Variants in AKAP6 observed in about 807,000 individuals in gnomAD.
AKAP6 encodes A-kinase anchor protein 6.
Under a neutral mutation model 188.5 loss-of-function variants are expected in AKAP6, and 58 were observed. The ratio of observed to expected loss-of-function variants is 0.31; its 90% CI spans 0.25 to 0.38. The LOEUF (loss-of-function observed/expected upper bound fraction) is 0.38. Among genes scored for constraint, AKAP6 ranks in the 10% least tolerant of loss-of-function variants. The pLI is 1.00. For synonymous variants in AKAP6, 989 were observed against 998.6 expected, an observed-to-expected ratio of 0.99 and a Z score of 0.18; for missense variants, 2,710 against 2,740.0, an observed-to-expected ratio of 0.99 and a Z score of 0.24.
intron 2 of AKAP6, among the ~76,000 whole-genome samples, chr14:32,491,474 T>A (rs1332980462): frequency 3.3e-5 from 5 of 152,192 alleles, no homozygotes; most frequent in Non-Finnish European, 7.3e-5. Flanking sequence ...TGGCTCTCTA[T>A]AACCCATAGA....
chr14:32,420,115 A>C (rs1003864455), intron 1 of AKAP6, among the ~76,000 whole-genome samples: 2 of 152,074 alleles, frequency 1.3e-5, no homozygotes, highest in Non-Finnish European at 1.5e-5. Flanking sequence ...TATAATTCTG[A>C]GGTTTCTTAA....
chr14:32,626,718 C>A (rs1366815858), intron 7 of AKAP6, among the ~76,000 whole-genome samples: 2 of 152,102 alleles, frequency 1.3e-5, no homozygotes, highest in African/African-American at 4.8e-5. Flanking sequence ...CTGCTTCACC[C>A]ATTAAGCTCT....
intron 1 of AKAP6, among the ~76,000 whole-genome samples, chr14:32,377,397 GT>G (rs994579768): frequency 3.9e-5 from 6 of 152,052 alleles, no homozygotes; most frequent in African/African-American, 1.4e-4. Flanking sequence ...GTCCTCTTTT[GT>G]TTTTCCCATG....
At chr14:32,787,329 G>T (rs773981340) in intron 12 of AKAP6, among the ~76,000 whole-genome samples, 2 of 152,156 alleles carry the variant, frequency 1.3e-5, no homozygotes, top group East Asian at 3.9e-4. Context: ...TTTCAGAAAT[G>T]TATGACCAAA....
At chr14:32,555,504 A>G (rs1883647973) in intron 4 of AKAP6, among the ~76,000 whole-genome samples, 1 of 152,352 alleles carries the variant, frequency 6.6e-6, no homozygotes, top group African/African-American at 2.4e-5. Flanking sequence ...TTAAGTGCAC[A>G]GTTTAAGAAT....
intron 9 of AKAP6, among the ~76,000 whole-genome samples, chr14:32,711,732 C>T (rs528375770): frequency 3.9e-5 from 6 of 152,048 alleles, no homozygotes; most frequent in Admixed American, 1.3e-4. Flanking sequence ...TATAGATCCC[C>T]CTTTGAGCTT....
At chr14:32,761,929 A>C (rs1172589321) in intron 11 of AKAP6, among the ~76,000 whole-genome samples, 1 of 152,122 alleles carries the variant, frequency 6.6e-6, no homozygotes, top group East Asian at 1.9e-4. Context: ...TCCATTCCCC[A>C]GAATTACTTT....
intron 9 of AKAP6, among the ~76,000 whole-genome samples, chr14:32,715,439 A>C (rs2030138988): frequency 6.9e-6 from 1 of 145,496 alleles, no homozygotes; most frequent in African/African-American, 2.5e-5. Flanking sequence ...TAATCTACTT[A>C]GAAAAGCAAA....
At chr14:32,420,880 C>G (rs1002360683) in intron 1 of AKAP6, among the ~76,000 whole-genome samples, 5 of 146,050 alleles carry the variant, frequency 3.4e-5, no homozygotes, top group Admixed American at 2.1e-4. Context: ...CCTCTGGTAT[C>G]TTTTAAGAAA....
At chr14:32,466,845 A>ATATATATATATATATATATATATATT (rs1555331130) in intron 2 of AKAP6, among the ~76,000 whole-genome samples, 1 of 144,220 alleles carries the variant, frequency 6.9e-6, no homozygotes, top group African/African-American at 2.6e-5. Context: ...ATATATATAT[A>ATATATATATATATATATATATATATT]TTTTCTTTCT....
chr14:32,774,349 A>C (rs2032989662), intron 12 of AKAP6, among the ~76,000 whole-genome samples: 1 of 152,208 alleles, frequency 6.6e-6, no homozygotes, highest in Non-Finnish European at 1.5e-5. Flanking sequence ...AATAAAGTAC[A>C]TTGTTTACTT....
chr14:32,670,139 A>G (rs1889120060), intron 7 of AKAP6, among the ~76,000 whole-genome samples: 2 of 151,802 alleles, frequency 1.3e-5, no homozygotes, highest in Admixed American at 6.6e-5. Flanking sequence ...GTCAGATCTC[A>G]TGAAAACTAT....
chr14:32,741,445 G>C (rs112240942), intron 11 of AKAP6, among the ~76,000 whole-genome samples: 1 of 152,024 alleles, frequency 6.6e-6, no homozygotes, highest in Non-Finnish European at 1.5e-5. Flanking sequence ...TCCAAATCTT[G>C]GAGGAAAGGT....
At chr14:32,444,100 A>C (rs1216975982) in intron 2 of AKAP6, among the ~76,000 whole-genome samples, 5 of 152,216 alleles carry the variant, frequency 3.3e-5, no homozygotes, top group Non-Finnish European at 7.3e-5. Context: ...TGATTAAGGT[A>C]GTCATAAAGA....
intron 2 of AKAP6, among the ~76,000 whole-genome samples, chr14:32,521,732 G>T (rs1881843941): frequency 6.6e-6 from 1 of 152,174 alleles, no homozygotes; most frequent in Non-Finnish European, 1.5e-5. Context: ...TGGTTAGGAA[G>T]AATCAATATC....
intron 9 of AKAP6, among the ~76,000 whole-genome samples, chr14:32,702,589 C>A (rs966692109): frequency 6.6e-6 from 1 of 151,852 alleles, no homozygotes; most frequent in African/African-American, 2.4e-5. Context: ...AATAGGATGC[C>A]AAGAAATAGT....
intron 4 of AKAP6, among the ~76,000 whole-genome samples, chr14:32,554,848 C>T (rs1883624798): frequency 6.6e-6 from 1 of 152,156 alleles, no homozygotes; most frequent in African/African-American, 2.4e-5. Flanking sequence ...GCATGGTCCG[C>T]CTCTCACATT....
chr14:32,578,898 AG>A (rs1301908479), intron 5 of AKAP6, among the ~76,000 whole-genome samples: 2 of 152,032 alleles, frequency 1.3e-5, no homozygotes, highest in African/African-American at 2.4e-5. Context: ...ACAGTATTAC[AG>A]GGTTTCTTAC....
intron 4 of AKAP6, among the ~76,000 whole-genome samples, chr14:32,548,227 G>C (rs932674151): frequency 6.6e-6 from 1 of 151,050 alleles, no homozygotes; most frequent in Non-Finnish European, 1.5e-5. Context: ...TCAGCCTCTC[G>C]TGTAGCTGGG....
Sources: allele counts gnomAD v4.1 joint callset (sites outside exome capture counted in the v4.1 genomes callset), GRCh38; gene constraint gnomAD v4.1.1; transcripts MANE v1.5; gene names NCBI Gene and HGNC (gene_info 2026-07-23, HGNC 2026-07-21).